IKBIP: variants seen among roughly 807,000 people sequenced by gnomAD.
IKBIP encodes inhibitor of nuclear factor kappa-B kinase-interacting protein.
In IKBIP, 28 loss-of-function variants were observed where a neutral mutation model predicts 31.0. The observed-to-expected ratio is 0.90, with a 90% CI of 0.67 to 1.24. IKBIP has a LOEUF of 1.24. Among genes scored for constraint, IKBIP ranks in the 50% most tolerant of loss-of-function variants. IKBIP has a pLI of 0.00. For missense variants in IKBIP, 453 were observed against 441.9 expected (o/e 1.03, Z -0.23); for synonymous variants, 164 against 160.3 (o/e 1.02, Z -0.17).
intron 1 of IKBIP, among the ~76,000 whole-genome samples, chr12:98,643,030 G>A (rs143692734): frequency 0.037 from 5,578 of 151,940 alleles, 152 homozygotes; most frequent in Middle Eastern, 0.12. Context: ...CCAGCTCACT[G>A]CAACCTCCAC....
chr12:98,621,865 C>A (rs1052498673), downstream of IKBIP, among the ~76,000 whole-genome samples: 1 of 152,054 alleles, frequency 6.6e-6, no homozygotes, highest in African/African-American at 2.4e-5. Flanking sequence ...ATCACGAGGT[C>A]AAGAGATCGA....
chr12:98,614,227 A>G (rs376988472), exon 3 of IKBIP: 42 of 1,613,578 alleles, frequency 2.6e-5, no homozygotes, highest in Non-Finnish European at 3.3e-5. Context: ...CCTGTTTTTC[A>G]GTTATCCTAT....
In IKBIP at chr12:98,629,214, G is replaced by T. The variant is rs530507818; in HGVS notation, c.298-2448C>A. The stretch of plus-strand genomic sequence containing the variant: ...TCAAGACTTAAAGAGTATGCAACAA[G>T]AATGACTAACACCACTCTGAAATGT... On this transcript the variant is annotated intron_variant, in intron 2 of 2. Coordinates refer to ENST00000299157, the MANE Select transcript of IKBIP (RefSeq NM_153687.4). Among the ~76,000 whole-genome samples the T allele has an allele frequency of 6.6e-4, 100 of 152,320 alleles. 1 individual carries two copies. Among genetic ancestry groups the T allele is most frequent in the African/African-American group, 2.2e-3 (92 of 41,582 alleles).
rs762166109 is a variant in IKBIP, at chr12:98,625,893, T to C, written c.*37A>G. On this transcript the variant is annotated 3_prime_UTR_variant, in exon 3 of 3. Coordinates refer to ENST00000299157, the MANE Select transcript of IKBIP (RefSeq NM_153687.4). ...AAATCAATGGACTAATCAATTTATG[T>C]ATAATGATATGGTTCATCAGAATAA... 1.3e-5 allele frequency: 18 copies of C among 1,345,158 alleles called. No homozygotes were observed. The highest frequency in any genetic ancestry group is 5.5e-5 in the Admixed American group (2 of 36,526). The allele number at this position is 1,345,158 out of a possible 1,614,324, so 83.3% of individuals were successfully genotyped here. A position where few individuals can be genotyped will look rare whatever the true frequency, so the allele number is the denominator to read the frequency against.
intron 2 of IKBIP, among the ~76,000 whole-genome samples, chr12:98,618,352 C>A (rs1013523000): frequency 1.3e-5 from 2 of 151,966 alleles, no homozygotes; most frequent in Non-Finnish European, 2.9e-5. Flanking sequence ...TGAGGCCAGG[C>A]GCGGTGGCTC....
intron 1 of IKBIP, among the ~76,000 whole-genome samples, chr12:98,635,669 G>A (rs567565418): frequency 3.5e-4 from 53 of 152,308 alleles, no homozygotes; most frequent in African/African-American, 1.0e-3. Context: ...AAATGTAGGC[G>A]AAACAAGAGT....
At chr12:98,618,642 A>AG (rs2097607778) in intron 2 of IKBIP, among the ~76,000 whole-genome samples, 1 of 150,254 alleles carries the variant, frequency 6.7e-6, no homozygotes, top group Admixed American at 6.6e-5. Flanking sequence ...AAAAAAAAAA[A>AG]TTTGAGATGG....
At chr12:98,643,812 G>GTTTTTTTTTTTTTTTTTTTTTCC (rs773132320) in intron 1 of IKBIP, among the ~76,000 whole-genome samples, 3 of 131,120 alleles carry the variant, frequency 2.3e-5, no homozygotes, top group South Asian at 2.5e-4. Context: ...TAATGATATG[G>GTTTTTTTTTTTTTTTTTTTTTCC]TTTTCTTTTT....
intron 2 of IKBIP, among the ~76,000 whole-genome samples, chr12:98,617,203 AGAG>A (rs887913886): frequency 6.6e-6 from 1 of 152,242 alleles, no homozygotes; most frequent in African/African-American, 2.4e-5. Context: ...TTAGTTTAGT[AGAG>A]AAGACAGATA....
intron 1 of IKBIP, among the ~76,000 whole-genome samples, chr12:98,641,158 T>C (rs1458899569): frequency 6.6e-6 from 1 of 152,226 alleles, no homozygotes; most frequent in Non-Finnish European, 1.5e-5. Context: ...GGAAATGGTC[T>C]GAAGACAATG....
downstream of IKBIP, among the ~76,000 whole-genome samples, chr12:98,622,137 C>T (rs906127334): frequency 3.3e-5 from 5 of 150,832 alleles, no homozygotes; most frequent in Non-Finnish European, 5.9e-5. Context: ...GCTTGACATA[C>T]GTGTGGGTAT....
chr12:98,628,083 A>G (rs1306347063), intron 2 of IKBIP, among the ~76,000 whole-genome samples: 1 of 152,246 alleles, frequency 6.6e-6, no homozygotes, highest in African/African-American at 2.4e-5. Context: ...GACTACAGGA[A>G]GGCCTAGAAA....
chr12:98,613,512 T>C, exon 3 of IKBIP: 1 of 700,426 alleles, frequency 1.4e-6, no homozygotes. Context: ...ATATCATTAT[T>C]TTTGATTTAC....
Position 98,634,331 on chromosome 12 carries a change from G to T in IKBIP, c.262C>A (p.Gln88Lys). 1 of 1,594,200 alleles carries T rather than the reference G, an allele frequency of 6.3e-7. No homozygotes were observed. The highest frequency in any genetic ancestry group is 8.6e-7 in the Non-Finnish European group (1 of 1,162,878). ...ATTAAACTGATTTTACTTTGAAGTT[G>T]TTGGAATTCATTGGTTTCTAGTTTC... ...LLKLETNEFQ[Q>K]LQSKISLISE... Residue 88 changes from glutamine to lysine, a missense_variant, in exon 2 of 3, where the codon CAA (glutamine) becomes AAA (lysine). Coordinates refer to ENST00000299157, the MANE Select transcript of IKBIP (RefSeq NM_153687.4).
downstream of IKBIP, among the ~76,000 whole-genome samples, chr12:98,620,799 G>T (rs145463935): frequency 6.6e-6 from 1 of 152,036 alleles, no homozygotes; most frequent in Non-Finnish European, 1.5e-5. Context: ...ATCCGTTGAG[G>T]TCAGGAGTTT....
chr12:98,620,507 C>T (rs573874923), downstream of IKBIP, among the ~76,000 whole-genome samples: 426 of 152,092 alleles, frequency 2.8e-3, 1 homozygote, highest in African/African-American at 9.5e-3. Context: ...GCTGGGATTA[C>T]AGACGCTCAC....
chr12:98,619,874 A>G (rs1432179150), downstream of IKBIP, among the ~76,000 whole-genome samples: 8 of 72,242 alleles, frequency 1.1e-4, no homozygotes, highest in East Asian at 1.4e-3. Flanking sequence ...CCTTTCTCAG[A>G]AAAAAAAAAA....
chr12:98,622,765 A>G (rs1014882751), downstream of IKBIP, among the ~76,000 whole-genome samples: 1 of 152,136 alleles, frequency 6.6e-6, no homozygotes, highest in Non-Finnish European at 1.5e-5. Context: ...CTAATTTTGC[A>G]TCTTATGGGT....
intron 2 of IKBIP, among the ~76,000 whole-genome samples, chr12:98,633,579 T>A (rs1403552202): frequency 7.0e-6 from 1 of 143,152 alleles, no homozygotes; most frequent in Non-Finnish European, 1.5e-5. Context: ...TGCAGTGGTG[T>A]GATCTTGGCT....
Sources: gnomAD v4.1 joint callset for allele counts (sites outside exome capture counted in the v4.1 genomes callset) on GRCh38, gnomAD v4.1.1 for gene constraint, MANE v1.5 for transcripts, NCBI Gene and HGNC (gene_info 2026-07-23, HGNC 2026-07-21) for gene names.